The following ADAMTSL1 variants were observed in gnomAD, a reference collection of about 807,000 sequenced individuals.
ADAMTSL1 encodes the protein ADAMTS-like protein 1.
Under a neutral mutation model 201.8 loss-of-function variants are expected in ADAMTSL1, and 126 were observed. That is an observed-to-expected ratio of 0.62 (90% CI 0.54 to 0.72). ADAMTSL1 has a LOEUF of 0.72. ADAMTSL1 is among the 30% of genes least tolerant of loss of function. The pLI, the probability that ADAMTSL1 is intolerant of heterozygous loss-of-function variation, is 0.00. For missense variants in ADAMTSL1, 2,679 were observed against 2,277.8 expected, an observed-to-expected ratio of 1.18 and a Z score of -3.59; for synonymous variants, 1,121 against 903.4, an observed-to-expected ratio of 1.24 and a Z score of -4.32.
intron 4 of ADAMTSL1, among the ~76,000 whole-genome samples, chr9:18,605,365 C>T (rs939968411): frequency 2.0e-5 from 3 of 152,156 alleles, no homozygotes; most frequent in African/African-American, 7.2e-5. Flanking sequence ...CAATTAGGAC[C>T]AAGCGCTGGC....
chr9:18,416,510 T>C (rs1286953879), intron 2 of ADAMTSL1, among the ~76,000 whole-genome samples: 2 of 152,030 alleles, frequency 1.3e-5, no homozygotes, highest in Non-Finnish European at 1.5e-5. Context: ...TACCCAGTGA[T>C]ATGCTGCCTT....
intron 2 of ADAMTSL1, among the ~76,000 whole-genome samples, chr9:18,203,696 C>G (rs928874161): frequency 1.3e-5 from 2 of 152,020 alleles, no homozygotes; most frequent in African/African-American, 4.8e-5. Context: ...AATAGAAAAT[C>G]AAGGACAGGG....
chr9:18,079,862 G>A (rs940911500), intron 1 of ADAMTSL1, among the ~76,000 whole-genome samples: 4 of 152,100 alleles, frequency 2.6e-5, no homozygotes, highest in Non-Finnish European at 5.9e-5. Flanking sequence ...TGATTTTGTT[G>A]AGGGACTTCA....
At chr9:18,820,461 G>A (rs759824362) in intron 21 of ADAMTSL1, among the ~76,000 whole-genome samples, 2 of 152,086 alleles carry the variant, frequency 1.3e-5, no homozygotes, top group Non-Finnish European at 2.9e-5. Context: ...GTTCAAAGTC[G>A]TTCTCTCCAA....
At chr9:18,087,852 A>C (rs1295914474) in intron 1 of ADAMTSL1, among the ~76,000 whole-genome samples, 1 of 152,138 alleles carries the variant, frequency 6.6e-6, no homozygotes, top group Non-Finnish European at 1.5e-5. Context: ...AAACAGTATT[A>C]GTCACTTATC....
chr9:18,441,534 TCTG>T (rs1447139794), intron 2 of ADAMTSL1, among the ~76,000 whole-genome samples: 2 of 152,126 alleles, frequency 1.3e-5, no homozygotes, highest in Non-Finnish European at 2.9e-5. Context: ...GAAAGGAAGA[TCTG>T]GGAAATTCAC....
intron 2 of ADAMTSL1, among the ~76,000 whole-genome samples, chr9:18,394,802 G>A (rs575174691): frequency 6.6e-6 from 1 of 152,218 alleles, no homozygotes; most frequent in Non-Finnish European, 1.5e-5. Context: ...AAAAAGGAAA[G>A]CATTTTTTTG....
intron 1 of ADAMTSL1, among the ~76,000 whole-genome samples, chr9:18,002,823 A>G (rs1213933015): frequency 1.3e-5 from 2 of 152,074 alleles, no homozygotes; most frequent in South Asian, 2.1e-4. Flanking sequence ...AAAGTACAAG[A>G]GAGTTAAATG....
At chr9:18,714,053 A>T (rs1185460253) in intron 14 of ADAMTSL1, among the ~76,000 whole-genome samples, 1 of 152,064 alleles carries the variant, frequency 6.6e-6, no homozygotes, top group Admixed American at 6.5e-5. Flanking sequence ...GAAACCAATG[A>T]GAACAAAGAC....
intron 2 of ADAMTSL1, among the ~76,000 whole-genome samples, chr9:18,366,755 T>G (rs557667857): frequency 1.3e-5 from 2 of 149,984 alleles, no homozygotes; most frequent in South Asian, 4.2e-4. Flanking sequence ...GTAGCTGGGA[T>G]TACAGGTACC....
At chr9:18,533,624 A>C (rs1019710720) in intron 3 of ADAMTSL1, among the ~76,000 whole-genome samples, 1 of 152,222 alleles carries the variant, frequency 6.6e-6, no homozygotes, top group Non-Finnish European at 1.5e-5. Flanking sequence ...CATGAAATAA[A>C]TATTTGTAAA....
At chr9:18,709,264 T>C (rs542385152) in intron 14 of ADAMTSL1, among the ~76,000 whole-genome samples, 4 of 152,336 alleles carry the variant, frequency 2.6e-5, no homozygotes, top group Admixed American at 6.5e-5. Flanking sequence ...AGGACGTGTA[T>C]ATTTTCAAGT....
chr9:18,604,403 C>T (rs572311927), intron 4 of ADAMTSL1, among the ~76,000 whole-genome samples: 34 of 152,318 alleles, frequency 2.2e-4, no homozygotes, highest in African/African-American at 5.1e-4. Flanking sequence ...GAAACTTTCA[C>T]TTTCTATGCT....
chr9:18,875,071 C>T (rs565736221), intron 23 of ADAMTSL1, among the ~76,000 whole-genome samples: 8 of 152,154 alleles, frequency 5.3e-5, no homozygotes, highest in African/African-American at 1.9e-4. Context: ...TCATAGTAGC[C>T]TTGAATGATC....
intron 1 of ADAMTSL1, among the ~76,000 whole-genome samples, chr9:18,475,951 A>G (rs1821428339): frequency 6.6e-6 from 1 of 152,140 alleles, no homozygotes; most frequent in Admixed American, 6.5e-5. Flanking sequence ...ATATTCATAT[A>G]TGTATTAGAG....
chr9:18,175,852 C>G (rs1033995594), intron 2 of ADAMTSL1, among the ~76,000 whole-genome samples: 5 of 151,798 alleles, frequency 3.3e-5, no homozygotes, highest in Admixed American at 6.6e-5. Context: ...TATGGAGAAT[C>G]CTTGACTCAG....
intron 19 of ADAMTSL1, among the ~76,000 whole-genome samples, chr9:18,780,342 A>G (rs1434288291): frequency 1.3e-5 from 2 of 152,190 alleles, no homozygotes; most frequent in South Asian, 2.1e-4. Flanking sequence ...ACGGAAGGTT[A>G]AAACTCATAT....
chr9:18,388,751 C>G (rs1446300570), intron 2 of ADAMTSL1, among the ~76,000 whole-genome samples: 1 of 150,674 alleles, frequency 6.6e-6, no homozygotes, highest in Admixed American at 6.6e-5. Flanking sequence ...TTTAATAGCA[C>G]TGAATTTTTT....
At position 18,721,617 on chromosome 9, in the gene ADAMTSL1, G is replaced by A. The variant is rs140701236; in HGVS notation, c.1958G>A (p.Arg653Gln). 364 of 1,613,962 alleles carry A rather than the reference G, an allele frequency of 2.3e-4. No individual in the cohort carries two copies. The highest frequency in any genetic ancestry group is 2.9e-4 in the Non-Finnish European group (343 of 1,179,872). ...AEENLCVTSRRPPQLLKSCNL... is the reference protein window; with the variant it reads ...AEENLCVTSRQPPQLLKSCNL... ...GAGAACCTGTGCGTGACCAGCCGCC[G>A]GCCCCCACAGCTCCTGAAGTCCTGC... The change falls in exon 15 of 29, where the codon CGG becomes CAG. Residue 653 changes from arginine (R) to glutamine (Q), a missense_variant. Transcript: ENST00000380548.
Sources: allele counts gnomAD v4.1 joint callset (sites outside exome capture counted in the v4.1 genomes callset), GRCh38; gene constraint gnomAD v4.1.1; transcripts MANE v1.5; gene names NCBI Gene and HGNC (gene_info 2026-07-23, HGNC 2026-07-21).